Variants in CD27 observed in about 807,000 individuals in gnomAD.
The protein encoded by CD27 is CD27 molecule.
In CD27, 16 loss-of-function variants were observed where a neutral mutation model predicts 25.9. The ratio of observed to expected loss-of-function variants is 0.62; its 90% CI spans 0.42 to 0.94. The LOEUF is 0.94. Ranked by LOEUF, CD27 falls within the 40% of genes least tolerant of loss-of-function variation. CD27 has a pLI of 0.00. For missense variants in CD27, 300 were observed against 333.2 expected (o/e 0.90, Z 0.78); for synonymous variants, 142 against 124.3 (o/e 1.14, Z -0.95).
chr12:6,450,960 G>T lies in CD27; in HGVS notation c.604G>T (p.Val202Phe), dbSNP rs1261563741. The change falls in exon 5 of 6, where the codon GTT becomes TTT. Residue 202 changes from valine to phenylalanine, a missense_variant. Transcript: ENST00000266557. The surrounding 1 kb of genome is among the most constrained non-coding windows in gnomAD (Gnocchi z 4.1). ...TGTGATCTTCTCTGGAATGTTCCTT[G>T]TTTTCACCCTGGCCGGGGCCCTGTT... ...ILVIFSGMFL[V>F]FTLAGALFLH... 1 of 1,614,100 alleles carries T rather than the reference G, an allele frequency of 6.2e-7. No homozygotes were observed. The highest frequency in any genetic ancestry group is 1.1e-5 in the South Asian group (1 of 91,086).
intron 2 of CD27, chr12:6,448,601 TA>T (rs11569384): frequency 7.1e-4 from 108 of 152,192 alleles, no homozygotes; most frequent in East Asian, 1.5e-3. Flanking sequence ...CCGTCTCTAC[TA>T]AAAATACAAA....
Position 6,450,817 on chromosome 12 carries a change from A to C in CD27, c.539-78A>C, listed in dbSNP as rs1949525866. The C allele has an allele frequency of 1.9e-6, 3 of 1,588,164 alleles. No homozygotes were observed. The African/African-American group carries it at 4.0e-5, about 21-fold the overall frequency. The stretch of plus-strand genomic sequence containing the variant: ...ATAAGGTGGGGGAAAGGGGAGAGGC[A>C]AGGTGACAGGAGGGCTGGGCTGAGG... On this transcript the variant is annotated intron_variant, in intron 4 of 5. Transcript: ENST00000266557. This position sits in a 1 kb window ranked among gnomAD's most constrained non-coding sequence, Gnocchi z 4.1.
At chr12:6,444,847 T>TAA (rs1949389145), upstream of CD27, 1 of 432,478 alleles carries the variant, frequency 2.3e-6, no homozygotes, top group African/African-American at 2.1e-5. Context: ...GAGCAGCAGG[T>TAA]CTCACAGAGT....
In CD27 at chr12:6,450,688, G is replaced by A. The variant is rs1949521064; in HGVS notation, c.538+58G>A. On this transcript the variant is annotated intron_variant, in intron 4 of 5. Transcript: ENST00000266557. The surrounding 1 kb of genome is among the most constrained non-coding windows in gnomAD (Gnocchi z 4.1). ...AGAATGCATACACGAGGGGCCAGGA[G>A]GGAAGCCAGACAGAAAGCTCCTAGG... 1 of 1,527,650 alleles carries A rather than the reference G, an allele frequency of 6.5e-7. No homozygotes were observed. The highest frequency in any genetic ancestry group is 9.0e-7 in the Non-Finnish European group (1 of 1,110,146). The allele number at this position is 1,527,650 out of a possible 1,614,324, so 94.6% of individuals were successfully genotyped here.
chr12:6,450,172 G>C lies in CD27; in HGVS notation c.269-1G>C. ...TGCTCCCTGGGCCTCTCTTCCCCCA[G>C]GTCTTCTCGTTCGCAACTGCACCAT... On this transcript the variant is annotated splice_acceptor_variant, in intron 2 of 5. Coordinates refer to ENST00000266557, the MANE Select transcript of CD27 (RefSeq NM_001242.5). LOFTEE classifies it high-confidence loss of function. The surrounding 1 kb of genome is among the most constrained non-coding windows in gnomAD (Gnocchi z 4.1). 6.2e-7 allele frequency: 1 copy of C among 1,610,868 alleles called. No individual in the cohort carries two copies. The highest frequency in any genetic ancestry group is 1.1e-5 in the South Asian group (1 of 91,024).
In CD27 at chr12:6,450,974, C is replaced by CG; in HGVS notation, c.622dup (p.Ala208GlyfsTer11). 1 of 1,614,128 alleles carries CG rather than the reference C, an allele frequency of 6.2e-7. No homozygotes were observed. Among genetic ancestry groups the CG allele is most frequent in the Non-Finnish European group, 8.5e-7 (1 of 1,180,002 alleles). On this transcript the variant is annotated frameshift_variant, in exon 5 of 6. Coordinates refer to ENST00000266557, the MANE Select transcript of CD27 (RefSeq NM_001242.5). LOFTEE classifies it low-confidence loss of function (END_TRUNC). The surrounding 1 kb of genome is among the most constrained non-coding windows in gnomAD (Gnocchi z 4.1). ...GAATGTTCCTTGTTTTCACCCTGGC[C>CG]GGGGCCCTGTTCCTCCATCAACGAA...
chr12:6,449,069 C>T (rs767699561), intron 2 of CD27, among the ~76,000 whole-genome samples: 2 of 152,080 alleles, frequency 1.3e-5, no homozygotes, highest in Non-Finnish European at 2.9e-5. Context: ...GATCTCAGCT[C>T]ACTGTAACCT....
In CD27 at chr12:6,445,201, G is replaced by A. The variant is rs369839468; in HGVS notation, c.106G>A (p.Gly36Arg). ...SCPERHYWAQ[G>R]KLCCQMCEPG... ...CCCAGAGAGGCACTACTGGGCTCAG[G>A]GAAAGCTGTGCTGCCAGATGTGTGA... The change falls in exon 1 of 6, where the codon GGA becomes AGA. Residue 36 changes from glycine to arginine, a missense_variant. By Grantham distance (125) the Gly-to-Arg change is moderately radical. Transcript: ENST00000266557. The surrounding 1 kb of genome is among the most constrained non-coding windows in gnomAD (Gnocchi z 4.5). 11 of 1,613,846 alleles carry A rather than the reference G, an allele frequency of 6.8e-6. No individual in the cohort carries two copies. The highest frequency in any genetic ancestry group is 9.3e-6 in the Non-Finnish European group (11 of 1,179,900).
In CD27 at chr12:6,451,556, C is replaced by T; in HGVS notation, c.*164C>T. On this transcript the variant is annotated 3_prime_UTR_variant, in exon 6 of 6. Transcript: ENST00000266557. ...AGTGCCTTTTCGAGACTGGCAGGGA[C>T]GAGGACAAATATGGATGAGGTGGAG... 1 of 708,930 alleles carries T rather than the reference C, an allele frequency of 1.4e-6. No homozygotes were observed. The allele number at this position is 708,930 out of a possible 1,614,324, so 43.9% of individuals were successfully genotyped here.
Position 6,445,254 on chromosome 12 carries a change from G to A in CD27, c.136+23G>A. ...CAGGTAAGAGGGGGCCTTGGTAAGG[G>A]CCAGGTGAGTGGCGAAAGAGAGAGG... On this transcript the variant is annotated intron_variant, in intron 1 of 5. Transcript: ENST00000266557. This position sits in a 1 kb window ranked among gnomAD's most constrained non-coding sequence, Gnocchi z 4.5. 6.2e-7 allele frequency: 1 copy of A among 1,613,536 alleles called. No homozygotes were observed. Among genetic ancestry groups the A allele is most frequent in the Non-Finnish European group, 8.5e-7 (1 of 1,179,828 alleles).
Position 6,451,678 on chromosome 12 carries a change from T to G in CD27, c.*286T>G. 1 of 382,728 alleles carries G rather than the reference T, an allele frequency of 2.6e-6. No homozygotes were observed. The highest frequency in any genetic ancestry group is 4.7e-6 in the Non-Finnish European group (1 of 210,692). 23.7% of individuals were successfully genotyped at this position (382,728 alleles called of 1,614,324 possible). On this transcript the variant is annotated 3_prime_UTR_variant, in exon 6 of 6. Transcript: ENST00000266557. Reference sequence around the variant, plus strand: ...TTCCTGCTGCGAAAGACCCACATGCTACAAGACGGGCAAAATAAAGTGACA... The same window carrying G: ...TTCCTGCTGCGAAAGACCCACATGCGACAAGACGGGCAAAATAAAGTGACA...
At position 6,451,461 on chromosome 12, in the gene CD27, AGT is replaced by A. The variant is rs11569388; in HGVS notation, c.*71_*72del. 0.013 allele frequency: 19,772 copies of A among 1,517,362 alleles called. 227 individuals are homozygous for A. The highest frequency in any genetic ancestry group is 0.038 in the South Asian group (3,114 of 81,628). The allele number at this position is 1,517,362 out of a possible 1,614,324, so 94.0% of individuals were successfully genotyped here. A position where few individuals can be genotyped will look rare whatever the true frequency, so the allele number is the denominator to read the frequency against. ...CCACCCCGCCGACCATCCAAGGGAG[AGT>A]GAGACCTGGCAGCCACAACTGCAGT... On this transcript the variant is annotated 3_prime_UTR_variant, in exon 6 of 6. Transcript: ENST00000266557.
chr12:6,450,313 A>C lies in CD27; in HGVS notation c.409A>C (p.Ser137Arg), dbSNP rs1949504768. ...SLTARSSQAL[S>R]PHPQPTHLPY... ...GACCGCTCGGTCGTCTCAGGCCCTG[A>C]GCCCACACCCTCAGCCCACCCACTT... The change falls in exon 3 of 6, where the codon AGC becomes CGC. Residue 137 changes from serine to arginine, a missense_variant. Physicochemically the swap from Ser to Arg is moderately radical, Grantham distance 110. Transcript: ENST00000266557. The surrounding 1 kb of genome is among the most constrained non-coding windows in gnomAD (Gnocchi z 4.1). The C allele has an allele frequency of 8.7e-6, 14 of 1,613,406 alleles. No individual in the cohort carries two copies. Among genetic ancestry groups the C allele is most frequent in the Non-Finnish European group, 9.3e-6 (11 of 1,179,978 alleles).
chr12:6,447,104 A>AT (rs1158242852), intron 2 of CD27: 1 of 152,260 alleles, frequency 6.6e-6, no homozygotes, highest in East Asian at 1.9e-4. Flanking sequence ...CCAAAAAAAA[A>AT]AAGAAAACAA....
At chr12:6,449,753 G>C in intron 2 of CD27, among the ~76,000 whole-genome samples, 1 of 152,042 alleles carries the variant, frequency 6.6e-6, no homozygotes, top group East Asian at 1.9e-4. Flanking sequence ...GGGAGGCTGA[G>C]GCAGGAGAAT....
At chr12:6,446,568 G>A (rs1209820859) in intron 2 of CD27, among the ~76,000 whole-genome samples, 1 of 152,134 alleles carries the variant, frequency 6.6e-6, no homozygotes, top group Non-Finnish European at 1.5e-5. Context: ...ATATTTTGTA[G>A]AGACTTGAGC....
In CD27 at chr12:6,450,871, C is replaced by G. The variant is rs1949527258; in HGVS notation, c.539-24C>G. 1.9e-6 allele frequency: 3 copies of G among 1,613,908 alleles called. No homozygotes were observed. Among genetic ancestry groups the G allele is most frequent in the Non-Finnish European group, 2.5e-6 (3 of 1,179,972 alleles). ...CCAAGGGCTAGACCCTCCCCTAACC[C>G]CTGTGTGTCCCCTCCTATTACAGCC... On this transcript the variant is annotated intron_variant, in intron 4 of 5. Coordinates refer to ENST00000266557, the MANE Select transcript of CD27 (RefSeq NM_001242.5). This position sits in a 1 kb window ranked among gnomAD's most constrained non-coding sequence, Gnocchi z 4.1.
chr12:6,448,400 G>T (rs3087278), intron 2 of CD27, among the ~76,000 whole-genome samples: 1 of 151,934 alleles, frequency 6.6e-6, no homozygotes, highest in East Asian at 1.9e-4. Flanking sequence ...GCCCAGCCCA[G>T]CTAGTGCCCT....
chr12:6,450,058 G>A lies in CD27; in HGVS notation c.269-115G>A. On this transcript the variant is annotated intron_variant, in intron 2 of 5. Coordinates refer to ENST00000266557, the MANE Select transcript of CD27 (RefSeq NM_001242.5). This position sits in a 1 kb window ranked among gnomAD's most constrained non-coding sequence, Gnocchi z 4.1. ...CCTTTGCAGGGGTGGGAATGGAAAG[G>A]GAAGCACGTCCCTAGAGGTGGGCCT... The A allele has an allele frequency of 1.2e-6, 1 of 860,462 alleles. No homozygotes were observed. The highest frequency in any genetic ancestry group is 2.5e-5 in the Admixed American group (1 of 39,520). The allele number at this position is 860,462 out of a possible 1,614,324, so 53.3% of individuals were successfully genotyped here. A position where few individuals can be genotyped will look rare whatever the true frequency, so the allele number is the denominator to read the frequency against.
Sources: allele counts gnomAD v4.1 joint callset (sites outside exome capture counted in the v4.1 genomes callset), GRCh38; gene constraint gnomAD v4.1.1; non-coding constraint Gnocchi (gnomAD v3.1); transcripts MANE v1.5; gene names NCBI Gene and HGNC (gene_info 2026-07-23, HGNC 2026-07-21).